Variants in EPHB1 observed in about 807,000 individuals in gnomAD.
The protein encoded by EPHB1 is EPH receptor B1, also known as ephrin type-B receptor 1.
In EPHB1, 30 loss-of-function variants were observed where a neutral mutation model predicts 94.4. The observed-to-expected ratio is 0.32, with a 90% CI of 0.24 to 0.43. The LOEUF (loss-of-function observed/expected upper bound fraction) is 0.43. EPHB1 is among the 20% of genes least tolerant of loss of function. The pLI, the probability that EPHB1 is intolerant of heterozygous loss-of-function variation, is 1.00. For missense variants in EPHB1, 1,055 were observed against 1,308.3 expected (o/e 0.81, Z 2.99); for synonymous variants, 522 against 489.1 (o/e 1.07, Z -0.89).
intron 2 of EPHB1, among the ~76,000 whole-genome samples, chr3:134,948,718 G>C (rs1292112618): frequency 6.6e-6 from 1 of 152,252 alleles, no homozygotes; most frequent in East Asian, 1.9e-4. Context: ...AAGGCATGCT[G>C]TGAAGGAGCT....
intron 3 of EPHB1, among the ~76,000 whole-genome samples, chr3:135,029,812 A>G (rs1388172448): frequency 2.6e-5 from 4 of 152,244 alleles, no homozygotes; most frequent in African/African-American, 9.6e-5. Flanking sequence ...AATATCCTGC[A>G]GAGTGTTTTC....
rs1401010807 is a variant in EPHB1, at chr3:134,951,200, C to T, written c.124-171C>T. Among the ~76,000 whole-genome samples the T allele has an allele frequency of 3.9e-5, 6 of 152,178 alleles. No individual in the cohort carries two copies. Among genetic ancestry groups the T allele is most frequent in the African/African-American group, 1.4e-4 (6 of 41,448 alleles). ...AAAATCTGAAGTTTTCTTATAAGAT[C>T]TTTAAAATCAAGTTGCGCTTAGATG... On this transcript the variant is annotated intron_variant, in intron 2 of 15. Transcript: ENST00000398015. The surrounding 1 kb of genome is among the most constrained non-coding windows in gnomAD (Gnocchi z 4.5).
intron 3 of EPHB1, among the ~76,000 whole-genome samples, chr3:134,969,008 A>G (rs542863102): frequency 1.3e-5 from 2 of 152,332 alleles, no homozygotes; most frequent in East Asian, 1.9e-4. Flanking sequence ...AATAGAGGAC[A>G]TACATTTTCA....
intron 3 of EPHB1, among the ~76,000 whole-genome samples, chr3:134,992,869 C>T (rs995382103): frequency 1.3e-5 from 2 of 152,192 alleles, no homozygotes; most frequent in Non-Finnish European, 2.9e-5. Flanking sequence ...AATTCCATCC[C>T]TTCTGACCTA....
At chr3:135,143,013 A>T (rs1439519243) in intron 5 of EPHB1, among the ~76,000 whole-genome samples, 1 of 152,160 alleles carries the variant, frequency 6.6e-6, no homozygotes, top group Non-Finnish European at 1.5e-5. Context: ...GGTGTGCTGG[A>T]TGCAAAATCA....
chr3:135,162,213 AG>A (rs2107698382), intron 7 of EPHB1, 33 bp downstream of exon 7: 8 of 1,536,778 alleles, frequency 5.2e-6, no homozygotes, highest in East Asian at 2.4e-5. Flanking sequence ...GCATAATCAC[AG>A]GGCAGGCAGT....
Position 135,201,518 on chromosome 3 carries a change from CA to C in EPHB1, c.2176del (p.Arg726GlyfsTer7), listed in dbSNP as rs765686529. The C allele has an allele frequency of 6.2e-7, 1 of 1,613,984 alleles. No homozygotes were observed. The highest frequency in any genetic ancestry group is 1.7e-5 in the Admixed American group (1 of 60,004). On this transcript the variant is annotated frameshift_variant, in exon 12 of 16. Coordinates refer to ENST00000398015, the MANE Select transcript of EPHB1 (RefSeq NM_004441.5). LOFTEE classifies it high-confidence loss of function. ...FTVIQLVGML[R>X]GIAAGMKYLA... is the part of the protein sequence containing the mutation. ...CCGTGATCCAGCTTGTGGGTATGCT[CA>C]GGGGCATCGCTGCTGGCATGAAGTA...
intron 1 of EPHB1, among the ~76,000 whole-genome samples, chr3:134,871,311 C>A (rs1480680751): frequency 6.6e-6 from 1 of 152,062 alleles, no homozygotes; most frequent in East Asian, 1.9e-4. Flanking sequence ...CAGGTGGATA[C>A]CTTTCATAAT....
At chr3:135,232,897 T>C (rs925542705) in intron 12 of EPHB1, among the ~76,000 whole-genome samples, 5 of 152,040 alleles carry the variant, frequency 3.3e-5, no homozygotes, top group Non-Finnish European at 7.4e-5. Flanking sequence ...AACAATCAGA[T>C]CTTATGAGAA....
intron 12 of EPHB1, among the ~76,000 whole-genome samples, chr3:135,206,642 G>T (rs939317775): frequency 1.3e-5 from 2 of 152,216 alleles, no homozygotes; most frequent in East Asian, 3.8e-4. Context: ...CTGAGGTCAC[G>T]AGTTCGAGAC....
At chr3:134,871,909 G>A (rs2037507341) in intron 1 of EPHB1, among the ~76,000 whole-genome samples, 1 of 152,178 alleles carries the variant, frequency 6.6e-6, no homozygotes. Context: ...TCATCCAGAG[G>A]CTCTGAAATG....
chr3:135,090,897 GT>G (rs1938527463), intron 3 of EPHB1, among the ~76,000 whole-genome samples: 1 of 152,200 alleles, frequency 6.6e-6, no homozygotes, highest in Admixed American at 6.5e-5. Flanking sequence ...AGATTTATGT[GT>G]TTATGACTTC....
intron 1 of EPHB1, 100 bp from the exon 2 acceptor site, chr3:134,925,716 A>G (rs2038776452): frequency 8.1e-6 from 8 of 984,302 alleles, no homozygotes; most frequent in Non-Finnish European, 1.0e-5. Flanking sequence ...TAGTACTGTC[A>G]TTTACTATCA....
chr3:135,103,621 C>T (rs1487685069), intron 3 of EPHB1, among the ~76,000 whole-genome samples: 1 of 152,186 alleles, frequency 6.6e-6, no homozygotes, highest in Non-Finnish European at 1.5e-5. Flanking sequence ...TGCAGATGAG[C>T]AAATTGAGGC....
intron 3 of EPHB1, among the ~76,000 whole-genome samples, chr3:134,985,225 C>G (rs1934554915): frequency 6.6e-6 from 1 of 152,134 alleles, no homozygotes; most frequent in Non-Finnish European, 1.5e-5. Context: ...GCGATCTCAG[C>G]TCACTGCAAC....
At chr3:135,148,201 CTG>C (rs766275449) in intron 5 of EPHB1, among the ~76,000 whole-genome samples, 5 of 152,246 alleles carry the variant, frequency 3.3e-5, no homozygotes, top group Non-Finnish European at 5.9e-5. Context: ...TTTTTGGAAT[CTG>C]AGATGCTTAA....
intron 4 of EPHB1, among the ~76,000 whole-genome samples, chr3:135,130,346 A>T (rs1277797152): frequency 6.6e-6 from 1 of 152,206 alleles, no homozygotes. Flanking sequence ...TAAGGATTGA[A>T]TTGTGTTCCC....
intron 1 of EPHB1, among the ~76,000 whole-genome samples, chr3:134,923,499 C>A (rs571958738): frequency 3.4e-4 from 52 of 152,282 alleles, no homozygotes; most frequent in African/African-American, 1.3e-3. Context: ...GGCCCCCCTG[C>A]GGTTCCTGAG....
At chr3:134,915,881 C>G (rs1287050690) in intron 1 of EPHB1, among the ~76,000 whole-genome samples, 1 of 152,168 alleles carries the variant, frequency 6.6e-6, no homozygotes, top group South Asian at 2.1e-4. Flanking sequence ...AGCGAAAGAG[C>G]AAAGCTTCCA....
Sources: gnomAD v4.1 joint callset for allele counts (sites outside exome capture counted in the v4.1 genomes callset) on GRCh38, gnomAD v4.1.1 for gene constraint, Gnocchi (gnomAD v3.1) non-coding constraint, MANE v1.5 for transcripts, NCBI Gene and HGNC (gene_info 2026-07-23, HGNC 2026-07-21) for gene names.